IQCH: variants seen among roughly 807,000 people sequenced by gnomAD.
IQCH encodes IQ domain-containing protein H.
IQCH carries 98 observed loss-of-function variants against 117.0 expected under a neutral mutation model. That is an observed-to-expected ratio of 0.84 (90% CI 0.71 to 0.99). The LOEUF is 0.99. Among genes scored for constraint, IQCH ranks in the 50% least tolerant of loss-of-function variants. IQCH has a pLI of 0.00. For missense variants in IQCH, 1,102 were observed against 1,243.8 expected, an observed-to-expected ratio of 0.89 and a Z score of 1.72; for synonymous variants, 412 against 448.2, an observed-to-expected ratio of 0.92 and a Z score of 1.02.
At chr15:67,444,455 C>T (rs1241691969) in intron 16 of IQCH, among the ~76,000 whole-genome samples, 1 of 152,190 alleles carries the variant, frequency 6.6e-6, no homozygotes, top group Non-Finnish European at 1.5e-5. Context: ...CAAGTAGCTA[C>T]TCCTTTCTCC....
Position 67,370,904 on chromosome 15 carries a change from A to G in IQCH, c.754-1207A>G, listed in dbSNP as rs557126812. ...ACCGGAGAAAAGAAAACGCGTGAAT[A>G]ATCTGATATAGTAATACTCAACACA... is the stretch of plus-strand genomic sequence containing the variant. On this transcript the variant is annotated intron_variant, in intron 8 of 20. Transcript: ENST00000335894. This position sits in a 1 kb window ranked among gnomAD's most constrained non-coding sequence, Gnocchi z 5.6. 6.6e-6 allele frequency among the ~76,000 whole-genome samples: 1 copy of G among 151,986 alleles called. No homozygotes were observed. Among genetic ancestry groups the G allele is most frequent in the East Asian group, 1.9e-4 (1 of 5,182 alleles).
intron 4 of IQCH, among the ~76,000 whole-genome samples, chr15:67,333,291 A>G (rs1375116622): frequency 6.6e-6 from 1 of 152,184 alleles, no homozygotes; most frequent in Non-Finnish European, 1.5e-5. Context: ...AAAACAACAA[A>G]TCTGAACAGA....
At chr15:67,297,003 G>A (rs1321008384) in intron 4 of IQCH, among the ~76,000 whole-genome samples, 3 of 152,122 alleles carry the variant, frequency 2.0e-5, no homozygotes, top group Admixed American at 6.6e-5. Context: ...ATGAGAAAAC[G>A]GATTGGCCAC....
At chr15:67,304,060 C>T (rs776367472) in intron 4 of IQCH, among the ~76,000 whole-genome samples, 11 of 152,074 alleles carry the variant, frequency 7.2e-5, no homozygotes, top group Non-Finnish European at 1.6e-4. Context: ...CCTTTGCCCA[C>T]CTTGGTTGGC....
At position 67,481,728 on chromosome 15, in the gene IQCH, G is replaced by C. The variant is rs1259874572; in HGVS notation, c.2799+5910G>C. Among the ~76,000 whole-genome samples the C allele has an allele frequency of 6.6e-6, 1 of 152,218 alleles. No individual in the cohort carries two copies. Among genetic ancestry groups the C allele is most frequent in the Non-Finnish European group, 1.5e-5 (1 of 68,042 alleles). ...AAGCAAAGAAATATAGAAAATTTAA[G>C]AAGTATCTAGAAAAGAACTCCATGT... On this transcript the variant is annotated intron_variant, in intron 18 of 20. Transcript: ENST00000335894. This position sits in a 1 kb window ranked among gnomAD's most constrained non-coding sequence, Gnocchi z 4.1.
intron 6 of IQCH, among the ~76,000 whole-genome samples, chr15:67,348,250 A>G (rs1969493588): frequency 6.6e-6 from 1 of 152,132 alleles, no homozygotes; most frequent in Admixed American, 6.6e-5. Flanking sequence ...TTCCTAGCCA[A>G]TGCAGTGAGG....
intron 4 of IQCH, among the ~76,000 whole-genome samples, chr15:67,301,401 GTTTTTTTTTTTTT>G (rs10663973): frequency 8.0e-5 from 6 of 75,374 alleles, no homozygotes; most frequent in South Asian, 6.1e-4. Flanking sequence ...GTTATGTTAA[GTTTTTTTTTTTTT>G]TTTTTTTTTT....
At chr15:67,420,834 C>T (rs926437812) in intron 15 of IQCH, among the ~76,000 whole-genome samples, 3 of 152,074 alleles carry the variant, frequency 2.0e-5, no homozygotes, top group Non-Finnish European at 2.9e-5. Context: ...TTCTCTCTGC[C>T]CACAAAAAGC....
intron 13 of IQCH, 106 bp from the exon 14 acceptor site, chr15:67,400,008 A>AT: frequency 3.8e-6 from 3 of 798,738 alleles, no homozygotes; most frequent in Non-Finnish European, 6.2e-6. Flanking sequence ...TGAACAGACC[A>AT]TTAGAAGTAA....
chr15:67,318,297 T>C (rs926299816), intron 4 of IQCH, among the ~76,000 whole-genome samples: 2 of 152,096 alleles, frequency 1.3e-5, no homozygotes, highest in Admixed American at 1.3e-4. Flanking sequence ...GTCCCCTCTC[T>C]AATGAGGAAC....
rs1333051142 is a variant in IQCH, at chr15:67,454,690, A to G, written c.2506-10437A>G. Among the ~76,000 whole-genome samples the G allele has an allele frequency of 2.0e-5, 3 of 152,178 alleles. No individual in the cohort carries two copies. Among genetic ancestry groups the G allele is most frequent in the African/African-American group, 2.4e-5 (1 of 41,448 alleles). On this transcript the variant is annotated intron_variant, in intron 16 of 20. Coordinates refer to ENST00000335894, the MANE Select transcript of IQCH (RefSeq NM_001031715.3). This position sits in a 1 kb window ranked among gnomAD's most constrained non-coding sequence, Gnocchi z 5.2. Reference sequence around the variant, plus strand: ...TTGTGACTGGTTTCTTTCAGTTTCTATAATGTTTTCAAGGTTCCATCATGT... The same window carrying G: ...TTGTGACTGGTTTCTTTCAGTTTCTGTAATGTTTTCAAGGTTCCATCATGT...
At chr15:67,434,037 A>G (rs1253648750) in intron 16 of IQCH, among the ~76,000 whole-genome samples, 1 of 152,166 alleles carries the variant, frequency 6.6e-6, no homozygotes, top group African/African-American at 2.4e-5. Context: ...GATTACCACA[A>G]TCAAGCTAAT....
intron 4 of IQCH, among the ~76,000 whole-genome samples, chr15:67,286,149 T>C (rs1966554067): frequency 6.6e-6 from 1 of 152,160 alleles, no homozygotes; most frequent in Admixed American, 6.5e-5. Flanking sequence ...AGAGATTTTT[T>C]ACATCTTTTA....
chr15:67,475,880 CT>C lies in IQCH; in HGVS notation c.2799+63del. 1 of 1,475,822 alleles carries C rather than the reference CT, an allele frequency of 6.8e-7. No homozygotes were observed. Among genetic ancestry groups the C allele is most frequent in the Non-Finnish European group, 9.4e-7 (1 of 1,063,514 alleles). 91.4% of individuals were successfully genotyped at this position (1,475,822 alleles called of 1,614,324 possible). A position where few individuals can be genotyped will look rare whatever the true frequency, so the allele number is the denominator to read the frequency against. ...ACATGCCTGTGGGTGATCTAGGTAG[CT>C]AATAATTTGGTGCCCCTTCAGATAG... is the stretch of plus-strand genomic sequence containing the variant. On this transcript the variant is annotated intron_variant, in intron 18 of 20. Coordinates refer to ENST00000335894, the MANE Select transcript of IQCH (RefSeq NM_001031715.3). This position sits in a 1 kb window ranked among gnomAD's most constrained non-coding sequence, Gnocchi z 5.7.
intron 14 of IQCH, among the ~76,000 whole-genome samples, chr15:67,400,960 G>T (rs1480043267): frequency 6.6e-6 from 1 of 152,108 alleles, no homozygotes; most frequent in African/African-American, 2.4e-5. Flanking sequence ...AACTGTTGTT[G>T]TTAAGCTAGC....
rs1321735394 is a variant in IQCH at position 67,494,962 on chromosome 15, A to C, written c.2970+596A>C. 6.6e-6 allele frequency among the ~76,000 whole-genome samples: 1 copy of C among 152,238 alleles called. No individual in the cohort carries two copies. Among genetic ancestry groups the C allele is most frequent in the Non-Finnish European group, 1.5e-5 (1 of 68,050 alleles). ...ATCCAGTTGTGTATAATTGACTAGA[A>C]GTCTCCAAACTGTAAACTACAGGAA... On this transcript the variant is annotated intron_variant, in intron 20 of 20. Transcript: ENST00000335894. This position sits in a 1 kb window ranked among gnomAD's most constrained non-coding sequence, Gnocchi z 5.5.
chr15:67,483,986 A>G (rs1319254304), intron 18 of IQCH, among the ~76,000 whole-genome samples: 6 of 152,220 alleles, frequency 3.9e-5, no homozygotes, highest in Non-Finnish European at 4.4e-5. Flanking sequence ...AAACACCTCA[A>G]GCTTCCAGTG....
chr15:67,372,325 A>T lies in IQCH; in HGVS notation c.968A>T (p.Asn323Ile). The T allele has an allele frequency of 6.2e-7, 1 of 1,614,088 alleles. No individual in the cohort carries two copies. ...AIPEVKIKGNNLVALLPEFEL... is the reference protein window; with the variant it reads ...AIPEVKIKGNILVALLPEFEL... ...CCAGAAGTCAAAATAAAAGGGAATA[A>T]TTTGGTGGCCCTCCTTCCAGAGTTT... Residue 323 changes from asparagine to isoleucine, a missense_variant, in exon 9 of 21, where the codon AAT (asparagine) becomes ATT (isoleucine). Coordinates refer to ENST00000335894, the MANE Select transcript of IQCH (RefSeq NM_001031715.3).
rs1965052471 is a variant in IQCH at position 67,254,841 on chromosome 15, G to A, written c.-56G>A. The A allele has an allele frequency of 1.3e-6, 2 of 1,572,248 alleles. No homozygotes were observed. The highest frequency in any genetic ancestry group is 1.7e-5 in the Admixed American group (1 of 57,846). ...ATGGGGACGAGCGGCTCCGGCTGAA[G>A]GTTTCCGTGCTTGGAAACCGCGCCT... On this transcript the variant is annotated 5_prime_UTR_variant, in exon 1 of 21. Transcript: ENST00000335894.
Sources: allele counts gnomAD v4.1 joint callset (sites outside exome capture counted in the v4.1 genomes callset), GRCh38; gene constraint gnomAD v4.1.1; non-coding constraint Gnocchi (gnomAD v3.1); transcripts MANE v1.5; gene names NCBI Gene and HGNC (gene_info 2026-07-23, HGNC 2026-07-21).